Variants in AMZ1 observed in about 807,000 individuals in gnomAD.
AMZ1 encodes archaemetzincin-1.
In AMZ1, 39 loss-of-function variants were observed where a neutral mutation model predicts 29.9. The observed-to-expected ratio is 1.30, with a 90% confidence interval of 1.01 to 1.70. The LOEUF (loss-of-function observed/expected upper bound fraction) is 1.70, where lower values mean the gene tolerates loss of function less well. AMZ1 is among the 40% of genes most tolerant of loss of function. The probability of loss-of-function intolerance (pLI) is 0.00; values close to 1 mark genes in which losing one functional copy is unlikely to be tolerated. For synonymous variants in AMZ1, 458 were observed against 304.0 expected (o/e 1.51, Z -5.27); for missense variants, 1,041 against 680.6 (o/e 1.53, Z -5.89).
intron 5 of AMZ1, 23 bp from the exon 6 acceptor site, chr7:2,709,617 G>C: frequency 6.2e-7 from 1 of 1,602,876 alleles, no homozygotes; most frequent in South Asian, 1.1e-5. Flanking sequence ...GTGAGGCAAG[G>C]TGCTTGGTGG....
chr7:2,701,369 G>A (rs972076136), intron 2 of AMZ1, among the ~76,000 whole-genome samples: 1 of 152,184 alleles, frequency 6.6e-6, no homozygotes, highest in Non-Finnish European at 1.5e-5. Context: ...GGACTGGAAC[G>A]CAGTTCTATT....
chr7:2,739,595 G>A (rs1306253873), intron 4 of AMZ1, among the ~76,000 whole-genome samples: 1 of 152,212 alleles, frequency 6.6e-6, no homozygotes, highest in African/African-American at 2.4e-5. Context: ...GCTACAAACA[G>A]CTGTGTGGAA....
intron 4 of AMZ1, among the ~76,000 whole-genome samples, chr7:2,741,045 AAAAC>A (rs10603977): frequency 0.33 from 49,428 of 151,152 alleles, 8,129 homozygotes; most frequent in Middle Eastern, 0.38. Flanking sequence ...ACTCCGTCTC[AAAAC>A]AAACAAACAA....
upstream of AMZ1, chr7:2,762,909 G>C (rs931005904): frequency 1.4e-6 from 2 of 1,417,870 alleles, no homozygotes; most frequent in Non-Finnish European, 1.9e-6. Flanking sequence ...GCGGGGAGAA[G>C]AGGCCACAGG....
chr7:2,696,302 G>A (rs1277918280), intron 1 of AMZ1, among the ~76,000 whole-genome samples: 1 of 145,652 alleles, frequency 6.9e-6, no homozygotes, highest in Non-Finnish European at 1.5e-5. Context: ...TGTCACCCAG[G>A]CTGGAGTGCA....
rs1789195938 is a variant in AMZ1, at chr7:2,717,435, G to A, written c.*4557G>A. Among the ~76,000 whole-genome samples, 1 of 152,312 alleles carries A rather than the reference G, an allele frequency of 6.6e-6. No individual in the cohort carries two copies. The highest frequency in any genetic ancestry group is 2.4e-5 in the African/African-American group (1 of 41,556). On this transcript the variant is annotated 3_prime_UTR_variant, in exon 7 of 7. Transcript: ENST00000683327. ...GGGGCCTGGCTGCCGTCCTGGGAGA[G>A]GCCCCGGGAACCGGCTCGCCCTGTA...
chr7:2,697,458 C>T (rs1402624228), intron 1 of AMZ1, among the ~76,000 whole-genome samples: 3 of 151,892 alleles, frequency 2.0e-5, no homozygotes, highest in Non-Finnish European at 2.9e-5. Flanking sequence ...GGGTCTCACT[C>T]CCTCCTCCAG....
At chr7:2,695,077 C>T (rs573481641) in intron 1 of AMZ1, among the ~76,000 whole-genome samples, 114 of 152,356 alleles carry the variant, frequency 7.5e-4, no homozygotes, top group African/African-American at 2.6e-3. Flanking sequence ...TCAGCTGCTT[C>T]TGGCTGACTT....
At chr7:2,742,069 T>C (rs1376282609) in intron 4 of AMZ1, among the ~76,000 whole-genome samples, 2 of 152,038 alleles carry the variant, frequency 1.3e-5, no homozygotes, top group Non-Finnish European at 2.9e-5. Flanking sequence ...TTGCCCAGGC[T>C]AGAGTGCAGT....
At chr7:2,734,860 C>T (rs1790081288) in intron 4 of AMZ1, among the ~76,000 whole-genome samples, 1 of 152,166 alleles carries the variant, frequency 6.6e-6, no homozygotes, top group Non-Finnish European at 1.5e-5. Flanking sequence ...GAGCCCCAGG[C>T]AGAGGCCCAG....
rs58876937 is a variant in AMZ1 at position 2,696,350 on chromosome 7, A to G, written c.-218-3884A>G. On this transcript the variant is annotated intron_variant, in intron 1 of 6. Transcript: ENST00000683327. ...TGGCTCACTGCAAGCTCCGCCTCCCAGGTTCACGCCATTCTCCTGCCTCAG... is the reference window on the plus strand; with the variant it reads ...TGGCTCACTGCAAGCTCCGCCTCCCGGGTTCACGCCATTCTCCTGCCTCAG... Among the ~76,000 whole-genome samples the G allele has an allele frequency of 9.4e-3, 1,333 of 141,668 alleles. 14 individuals are homozygous for G. Among genetic ancestry groups the G allele is most frequent in the African/African-American group, 0.032 (1,206 of 37,886 alleles). 92.9% of individuals were successfully genotyped at this position (141,668 alleles called of 152,430 possible).
chr7:2,738,117 T>G (rs574729593), intron 4 of AMZ1, among the ~76,000 whole-genome samples: 1 of 152,246 alleles, frequency 6.6e-6, no homozygotes, highest in Non-Finnish European at 1.5e-5. Context: ...TGCTAATTTA[T>G]CATCCCCAAA....
At chr7:2,759,829 G>A (rs77925799), upstream of AMZ1, among the ~76,000 whole-genome samples, 2 of 152,142 alleles carry the variant, frequency 1.3e-5, no homozygotes, top group East Asian at 3.9e-4. Context: ...TTTCTGCAAC[G>A]GGTGCAGATG....
At chr7:2,763,689 A>C (rs996049577), upstream of AMZ1, among the ~76,000 whole-genome samples, 2 of 152,256 alleles carry the variant, frequency 1.3e-5, no homozygotes, top group Admixed American at 6.5e-5. Flanking sequence ...AAGAATGAGA[A>C]AGCCTGGGCT....
rs371474667 is a variant in AMZ1, at chr7:2,731,616, C to A, written n.550+21800C>A. Reference sequence around the variant, plus strand: ...TGATCCCGTCGAAGCACTGGAACCACTTCTGGCGCTGGGACCGCTGGCCGC... The same window carrying A: ...TGATCCCGTCGAAGCACTGGAACCAATTCTGGCGCTGGGACCGCTGGCCGC... On this transcript the variant is annotated intron_variant and non_coding_transcript_variant, in intron 4 of 4. Coordinates refer to the AMZ1 transcript ENST00000489665. This position sits in a 1 kb window ranked among gnomAD's most constrained non-coding sequence, Gnocchi z 6.0. 1.9e-6 allele frequency: 3 copies of A among 1,613,868 alleles called. No individual in the cohort carries two copies. Among genetic ancestry groups the A allele is most frequent in the East Asian group, 2.2e-5 (1 of 44,880 alleles).
rs952081957 is a variant in AMZ1, at chr7:2,714,504, G to A, written c.*1626G>A. Reference sequence around the variant, plus strand: ...AAGGCGTAACAGTGACCTGGGAGGGGAGATGAAGAGCTAGGCCTTTCAGAA... The same window carrying A: ...AAGGCGTAACAGTGACCTGGGAGGGAAGATGAAGAGCTAGGCCTTTCAGAA... On this transcript the variant is annotated 3_prime_UTR_variant, in exon 7 of 7. Coordinates refer to ENST00000683327, the MANE Select transcript of AMZ1 (RefSeq NM_001384743.1). 6.6e-6 allele frequency: 1 copy of A among 151,442 alleles called. No homozygotes were observed. The highest frequency in any genetic ancestry group is 2.4e-5 in the African/African-American group (1 of 41,130). 9.4% of individuals were successfully genotyped at this position (151,442 alleles called of 1,614,324 possible).
In AMZ1 at chr7:2,747,910, T is replaced by C. The variant is rs1023135516; in HGVS notation, n.551-16802T>C. On this transcript the variant is annotated intron_variant and non_coding_transcript_variant, in intron 4 of 4. Coordinates refer to the AMZ1 transcript ENST00000489665. ...ATCATGAGTGAACTCCCATTCACAATTGCTTCAAAGAGAATAAAATACCTA... is the reference window on the plus strand; with the variant it reads ...ATCATGAGTGAACTCCCATTCACAACTGCTTCAAAGAGAATAAAATACCTA... Among the ~76,000 whole-genome samples the C allele has an allele frequency of 1.2e-3, 175 of 152,052 alleles. No homozygotes were observed. In the East Asian group the frequency reaches 0.017, roughly 14 times the overall value.
intron 4 of AMZ1, among the ~76,000 whole-genome samples, chr7:2,757,438 C>A (rs1384153378): frequency 6.6e-6 from 1 of 152,058 alleles, no homozygotes; most frequent in Non-Finnish European, 1.5e-5. Context: ...GTGAGGGCAC[C>A]CCTAGGAGCT....
Position 2,712,476 on chromosome 7 carries a change from G to C in AMZ1, c.1095G>C (p.Ser365=). ...ACTCGGAGCCCGGCACCAGTGTGTC[G>C]GAGCCCCTCACCCCTGATGCCGGGA... ...ESDSEPGTSV[S]EPLTPDAGSH... is the part of the protein sequence containing the mutation. Residue 365 remains serine, a synonymous_variant, in exon 7 of 7, where the codon TCG becomes TCC. Coordinates refer to ENST00000683327, the MANE Select transcript of AMZ1 (RefSeq NM_001384743.1). The C allele has an allele frequency of 6.2e-7, 1 of 1,610,510 alleles. No individual in the cohort carries two copies. The highest frequency in any genetic ancestry group is 1.1e-5 in the South Asian group (1 of 90,908).
Sources: allele counts gnomAD v4.1 joint callset (sites outside exome capture counted in the v4.1 genomes callset), GRCh38; gene constraint gnomAD v4.1.1; non-coding constraint Gnocchi (gnomAD v3.1); transcripts MANE v1.5; gene names NCBI Gene and HGNC (gene_info 2026-07-23, HGNC 2026-07-21).